Variants in GRIP1 observed in about 807,000 individuals in gnomAD.
The protein encoded by GRIP1 is glutamate receptor-interacting protein 1.
In GRIP1, 45 loss-of-function variants were observed where a neutral mutation model predicts 129.9. The ratio of observed to expected loss-of-function variants is 0.35; its 90% CI spans 0.27 to 0.44. GRIP1 has a LOEUF of 0.44. GRIP1 is among the 20% of genes least tolerant of loss of function. The probability of loss-of-function intolerance (pLI) is 1.00; values close to 1 mark genes in which losing one functional copy is unlikely to be tolerated. For missense variants in GRIP1, 1,196 were observed against 1,396.8 expected (o/e 0.86, Z 2.29); for synonymous variants, 530 against 520.8 (o/e 1.02, Z -0.24).
At chr12:66,553,389 A>G (rs1346466513) in intron 2 of GRIP1, among the ~76,000 whole-genome samples, 3 of 151,472 alleles carry the variant, frequency 2.0e-5, no homozygotes, top group Non-Finnish European at 4.4e-5. Flanking sequence ...ATATCTATTG[A>G]TAATTTCCTA....
intron 14 of GRIP1, among the ~76,000 whole-genome samples, chr12:66,424,172 G>A (rs996385397): frequency 6.6e-6 from 1 of 152,130 alleles, no homozygotes; most frequent in African/African-American, 2.4e-5. Context: ...CCAGCAAGGC[G>A]ATGTCATTGG....
At chr12:66,990,710 C>A (rs1260388039) in intron 1 of GRIP1, among the ~76,000 whole-genome samples, 2 of 152,148 alleles carry the variant, frequency 1.3e-5, no homozygotes, top group Non-Finnish European at 2.9e-5. Flanking sequence ...GGACAAACTA[C>A]TTGGCAGGGC....
chr12:66,908,813 A>G (rs1404271490), intron 1 of GRIP1, among the ~76,000 whole-genome samples: 2 of 152,202 alleles, frequency 1.3e-5, no homozygotes, highest in East Asian at 3.8e-4. Context: ...CAGATCTAAG[A>G]GTAGTGGAAG....
rs538392212 is a variant in GRIP1, at chr12:66,363,418, T to A, written c.3012+8276A>T. On this transcript the variant is annotated intron_variant, in intron 23 of 24. Transcript: ENST00000359742. Reference sequence around the variant, plus strand: ...ACCACATCTGGCTTTTTTTTTTTTTTTAAATTATTTTTTGTAGACACTGGG... The same window carrying A: ...ACCACATCTGGCTTTTTTTTTTTTTATAAATTATTTTTTGTAGACACTGGG... Among the ~76,000 whole-genome samples the A allele has an allele frequency of 4.6e-3, 688 of 148,998 alleles. 3 individuals are homozygous for A. Among genetic ancestry groups the A allele is most frequent in the African/African-American group, 0.016 (657 of 40,486 alleles).
chr12:66,356,136 G>T (rs1256561685), intron 23 of GRIP1, among the ~76,000 whole-genome samples: 1 of 152,342 alleles, frequency 6.6e-6, no homozygotes, highest in Admixed American at 6.5e-5. Context: ...CGGACAGTGA[G>T]GAAGGTAGGG....
rs36142878 is a variant in GRIP1, at chr12:66,715,452, A to ATGTGTGTGTGTGTGTGTG, written c.-419-85134_-419-85117dup. Among the ~76,000 whole-genome samples the ATGTGTGTGTGTGTGTGTG allele has an allele frequency of 7.1e-4, 52 of 73,072 alleles. 1 individual carries two copies. The East Asian group carries it at 0.01, about 14-fold the overall frequency. The allele number at this position is 73,072 out of a possible 152,430, so 47.9% of individuals were successfully genotyped here. A position where few individuals can be genotyped will look rare whatever the true frequency, so the allele number is the denominator to read the frequency against. On this transcript the variant is annotated intron_variant, in intron 1 of 4. Coordinates refer to the GRIP1 transcript ENST00000538373. ...TGCCACAGCAATGAATTGTAGCTTG[A>ATGTGTGTGTGTGTGTGTG]TGTGTGTGTGTGTGTGTGTGAGAGA... is the stretch of plus-strand genomic sequence containing the variant.
intron 13 of GRIP1, among the ~76,000 whole-genome samples, chr12:66,442,361 C>T (rs544307924): frequency 2.1e-4 from 32 of 152,268 alleles, no homozygotes; most frequent in Middle Eastern, 6.8e-3. Flanking sequence ...TAGCACGCCT[C>T]TTCCGAGAGC....
chr12:67,027,445 ATTAC>A (rs2042956647), intron 1 of GRIP1, among the ~76,000 whole-genome samples: 1 of 152,228 alleles, frequency 6.6e-6, no homozygotes, highest in African/African-American at 2.4e-5. Flanking sequence ...TTCCATAAAT[ATTAC>A]TTACTGAGTG....
chr12:66,379,396 A>G lies in GRIP1; in HGVS notation c.2505T>C (p.Tyr835=), dbSNP rs750395200. Residue 835 remains tyrosine, a synonymous_variant, in exon 20 of 25, where the codon TAT becomes TAC. Transcript: ENST00000359742. ...CTCTCTGTTTTGGACTCCTCCAGTC[A>G]TAGGTGTTGAAATTGTATCCTGAGG... ...FQASGYNFNT[Y]DWRSPKQRGS... The G allele has an allele frequency of 1.2e-6, 2 of 1,614,140 alleles. No individual in the cohort carries two copies. Among genetic ancestry groups the G allele is most frequent in the South Asian group, 2.2e-5 (2 of 91,080 alleles).
chr12:66,891,502 C>G (rs1030103544), intron 1 of GRIP1, among the ~76,000 whole-genome samples: 1 of 152,084 alleles, frequency 6.6e-6, no homozygotes, highest in African/African-American at 2.4e-5. Context: ...AGGATGTGGG[C>G]TGATGTGGTG....
chr12:66,796,419 T>C (rs755218824), intron 1 of GRIP1, among the ~76,000 whole-genome samples: 1 of 152,140 alleles, frequency 6.6e-6, no homozygotes, highest in Admixed American at 6.5e-5. Flanking sequence ...GAATACACTT[T>C]TATCTCTGGA....
intron 1 of GRIP1, among the ~76,000 whole-genome samples, chr12:66,763,031 T>A (rs150119307): frequency 3.4e-4 from 52 of 152,296 alleles, no homozygotes; most frequent in African/African-American, 1.2e-3. Flanking sequence ...ACATAGTTTG[T>A]TCTGTTACTG....
chr12:66,769,785 C>T (rs2037760744), intron 1 of GRIP1, among the ~76,000 whole-genome samples: 1 of 152,086 alleles, frequency 6.6e-6, no homozygotes, highest in Admixed American at 6.6e-5. Flanking sequence ...CTACTTCTAC[C>T]TCTACACCTC....
intron 7 of GRIP1, among the ~76,000 whole-genome samples, chr12:66,486,351 C>T (rs1233010895): frequency 1.3e-5 from 2 of 151,938 alleles, no homozygotes; most frequent in Non-Finnish European, 1.5e-5. Context: ...TCAATGGTGT[C>T]CCATGTAGCC....
intron 1 of GRIP1, among the ~76,000 whole-genome samples, chr12:66,879,502 G>A (rs533456295): frequency 6.6e-6 from 1 of 152,084 alleles, no homozygotes; most frequent in African/African-American, 2.4e-5. Context: ...AGCCACATAG[G>A]CTACAAACCA....
At chr12:67,054,596 T>A (rs998726381) in intron 1 of GRIP1, among the ~76,000 whole-genome samples, 37 of 152,018 alleles carry the variant, frequency 2.4e-4, no homozygotes, top group African/African-American at 8.9e-4. Context: ...AAACCCCGTT[T>A]CTACTAAAAA....
At chr12:66,889,781 T>C (rs1478035349) in intron 1 of GRIP1, among the ~76,000 whole-genome samples, 2 of 152,348 alleles carry the variant, frequency 1.3e-5, no homozygotes, top group Admixed American at 6.5e-5. Flanking sequence ...TTTCACATCA[T>C]TGAATTTGGA....
rs2040750578 is a variant in GRIP1 at position 66,896,487 on chromosome 12, A to AC, written c.58+172562_58+172563insG. 1.3e-5 allele frequency among the ~76,000 whole-genome samples: 2 copies of AC among 151,350 alleles called. 1 individual carries two copies. Among genetic ancestry groups the AC allele is most frequent in the East Asian group, 3.9e-4 (2 of 5,154 alleles). Reference sequence around the variant, plus strand: ...ATTACCTCTGAGGAATTTGAAAAAAAAAAAAAAAACTTTGGTGGGCCTGAA... The same window carrying AC: ...ATTACCTCTGAGGAATTTGAAAAAAACAAAAAAAAACTTTGGTGGGCCTGAA... On this transcript the variant is annotated intron_variant, in intron 1 of 1. Transcript: ENST00000643019.
At chr12:66,485,083 C>A (rs1036445501) in intron 7 of GRIP1, among the ~76,000 whole-genome samples, 2 of 152,186 alleles carry the variant, frequency 1.3e-5, no homozygotes, top group African/African-American at 4.8e-5. Context: ...TGCGTATGCT[C>A]AGCTTCAGCA....
Sources: allele counts gnomAD v4.1 joint callset (sites outside exome capture counted in the v4.1 genomes callset), GRCh38; gene constraint gnomAD v4.1.1; transcripts MANE v1.5; gene names NCBI Gene and HGNC (gene_info 2026-07-23, HGNC 2026-07-21).